The following ZRANB3 variants were observed in gnomAD, a reference collection of about 807,000 sequenced individuals.
The protein encoded by ZRANB3 is DNA annealing helicase and endonuclease ZRANB3.
In ZRANB3, 125 loss-of-function variants were observed where a neutral mutation model predicts 133.8. That is an observed-to-expected ratio of 0.93 (90% CI 0.81 to 1.08). The LOEUF (loss-of-function observed/expected upper bound fraction) is 1.08, where lower values mean the gene tolerates loss of function less well. ZRANB3 is among the 50% of genes least tolerant of loss of function. The pLI, the probability that ZRANB3 is intolerant of heterozygous loss-of-function variation, is 0.00. For synonymous variants in ZRANB3, 387 were observed against 432.7 expected, an observed-to-expected ratio of 0.89 and a Z score of 1.31; for missense variants, 1,229 against 1,275.5, an observed-to-expected ratio of 0.96 and a Z score of 0.56.
At chr2:135,452,745 T>G (rs1346177591) in intron 2 of ZRANB3, among the ~76,000 whole-genome samples, 1 of 152,250 alleles carries the variant, frequency 6.6e-6, no homozygotes, top group African/African-American at 2.4e-5. Flanking sequence ...CCCATGGTCT[T>G]GGGCAGCTCT....
At chr2:135,469,601 G>T (rs745708047) in intron 2 of ZRANB3, among the ~76,000 whole-genome samples, 54 of 152,262 alleles carry the variant, frequency 3.5e-4, no homozygotes, top group Admixed American at 2.3e-3. Flanking sequence ...AAGTTTGTTA[G>T]ATTTCTTTTT....
chr2:135,481,457 G>C (rs1691802097), intron 2 of ZRANB3, among the ~76,000 whole-genome samples: 1 of 152,062 alleles, frequency 6.6e-6, no homozygotes, highest in Admixed American at 6.6e-5. Context: ...CTTTTTGATG[G>C]GGCTGTTTGT....
At chr2:135,345,336 C>T (rs889126590) in intron 6 of ZRANB3, 8 of 387,246 alleles carry the variant, frequency 2.1e-5, no homozygotes, top group South Asian at 5.0e-5. Flanking sequence ...GGCATGGTGG[C>T]GCATGCCTGT....
intron 2 of ZRANB3, among the ~76,000 whole-genome samples, chr2:135,474,885 A>G (rs961921709): frequency 6.6e-6 from 1 of 152,218 alleles, no homozygotes; most frequent in African/African-American, 2.4e-5. Context: ...GGTTTTATAC[A>G]TACCAGTGAG....
At chr2:135,435,521 G>A (rs1689495005) in intron 2 of ZRANB3, among the ~76,000 whole-genome samples, 1 of 152,200 alleles carries the variant, frequency 6.6e-6, no homozygotes, top group Admixed American at 6.5e-5. Context: ...TAATGGGATT[G>A]CTAAGTCGAA....
chr2:135,384,270 T>C lies in ZRANB3; in HGVS notation c.180+6532A>G, dbSNP rs181766146. Among the ~76,000 whole-genome samples the C allele has an allele frequency of 7.4e-3, 1,119 of 152,240 alleles. 12 individuals carry two copies. The highest frequency in any genetic ancestry group is 0.026 in the African/African-American group (1,060 of 41,552). Reference sequence around the variant, plus strand: ...AGAAATGGATAAATTCCTTGACACATACACTCTCCCAAGACTAAACCAGGA... The same window carrying C: ...AGAAATGGATAAATTCCTTGACACACACACTCTCCCAAGACTAAACCAGGA... On this transcript the variant is annotated intron_variant, in intron 3 of 20. Coordinates refer to ENST00000264159, the MANE Select transcript of ZRANB3 (RefSeq NM_032143.4).
At chr2:135,517,881 G>A (rs1693764948) in intron 1 of ZRANB3, among the ~76,000 whole-genome samples, 1 of 152,202 alleles carries the variant, frequency 6.6e-6, no homozygotes, top group Non-Finnish European at 1.5e-5. Context: ...TCCCCCAGGT[G>A]CTCTGTCCCA....
intron 2 of ZRANB3, among the ~76,000 whole-genome samples, chr2:135,427,996 C>T (rs1371821871): frequency 2.6e-5 from 4 of 152,080 alleles, no homozygotes; most frequent in Non-Finnish European, 5.9e-5. Context: ...AACTGGCTAG[C>T]CATATGTAGA....
intron 1 of ZRANB3, among the ~76,000 whole-genome samples, chr2:135,528,201 T>A (rs1218700972): frequency 6.6e-6 from 1 of 151,322 alleles, no homozygotes. Flanking sequence ...CAGGCTGGAG[T>A]GCAGTGGCTC....
chr2:135,518,954 G>C (rs1339014016), intron 1 of ZRANB3, among the ~76,000 whole-genome samples: 1 of 152,180 alleles, frequency 6.6e-6, no homozygotes, highest in Non-Finnish European at 1.5e-5. Context: ...AGAATTTGGA[G>C]CTGATTGTTG....
At chr2:135,226,674 C>T (rs1467422096) in intron 14 of ZRANB3, among the ~76,000 whole-genome samples, 1 of 152,160 alleles carries the variant, frequency 6.6e-6, no homozygotes, top group Non-Finnish European at 1.5e-5. Flanking sequence ...TACTTCCCTG[C>T]CATAGATGAA....
chr2:135,363,409 T>C (rs1441151391), intron 3 of ZRANB3, among the ~76,000 whole-genome samples: 1 of 152,212 alleles, frequency 6.6e-6, no homozygotes, highest in African/African-American at 2.4e-5. Flanking sequence ...CACATGCATA[T>C]GTATTATTCA....
chr2:135,504,186 T>C (rs1425947228), intron 2 of ZRANB3, 143 bp downstream of exon 2: 2 of 920,708 alleles, frequency 2.2e-6, no homozygotes, highest in Non-Finnish European at 3.5e-6. Context: ...TCAACCATAG[T>C]AAATGGATAA....
intron 8 of ZRANB3, among the ~76,000 whole-genome samples, chr2:135,294,389 G>A (rs1681924273): frequency 6.6e-6 from 1 of 152,172 alleles, no homozygotes; most frequent in Non-Finnish European, 1.5e-5. Context: ...GCATAGAGGT[G>A]TTTATAGTAT....
At chr2:135,511,755 C>G (rs997442742) in intron 1 of ZRANB3, 4 of 764,114 alleles carry the variant, frequency 5.2e-6, no homozygotes, top group African/African-American at 5.1e-5. Flanking sequence ...ACATCACTTT[C>G]CTGTGGATTT....
intron 15 of ZRANB3, among the ~76,000 whole-genome samples, chr2:135,222,844 C>T (rs1694607920): frequency 6.6e-6 from 1 of 152,064 alleles, no homozygotes; most frequent in African/African-American, 2.4e-5. Context: ...GGCATAGTGG[C>T]TCACGCCTAT....
At chr2:135,214,206 T>A (rs1487654383) in intron 17 of ZRANB3, among the ~76,000 whole-genome samples, 1 of 152,214 alleles carries the variant, frequency 6.6e-6, no homozygotes, top group East Asian at 1.9e-4. Context: ...AAATGTGTGT[T>A]GTTTTAAGCT....
At chr2:135,492,394 C>G (rs572299282) in intron 2 of ZRANB3, among the ~76,000 whole-genome samples, 5 of 152,122 alleles carry the variant, frequency 3.3e-5, no homozygotes, top group African/African-American at 7.2e-5. Flanking sequence ...TGTTGGGATA[C>G]TAATTACAGA....
intron 19 of ZRANB3, among the ~76,000 whole-genome samples, chr2:135,207,080 G>A (rs1229702219): frequency 5.9e-5 from 9 of 151,934 alleles, no homozygotes; most frequent in South Asian, 2.1e-4. Context: ...CATGAGTATC[G>A]CTTGAACCCA....
Sources: allele counts gnomAD v4.1 joint callset (sites outside exome capture counted in the v4.1 genomes callset), GRCh38; gene constraint gnomAD v4.1.1; transcripts MANE v1.5; gene names NCBI Gene and HGNC (gene_info 2026-07-23, HGNC 2026-07-21).